DENND4C: variants seen among roughly 807,000 people sequenced by gnomAD.
DENND4C encodes the protein DENN domain-containing protein 4C.
A neutral mutation model predicts 203.0 loss-of-function variants in DENND4C; 108 were observed. The ratio of observed to expected loss-of-function variants is 0.53; its 90% CI spans 0.46 to 0.62. The LOEUF is 0.62. DENND4C is among the 20% of genes least tolerant of loss of function. DENND4C has a pLI of 0.00. For synonymous variants in DENND4C, 871 were observed against 792.4 expected (o/e 1.10, Z -1.67); for missense variants, 2,481 against 2,301.2 (o/e 1.08, Z -1.60).
intron 2 of DENND4C, among the ~76,000 whole-genome samples, chr9:19,277,939 G>A (rs1448962954): frequency 2.6e-5 from 4 of 151,708 alleles, no homozygotes. Flanking sequence ...TGTTCTCTTA[G>A]TGTCATGTAT....
At chr9:19,232,677 A>T (rs1488553842) in intron 1 of DENND4C, among the ~76,000 whole-genome samples, 1 of 152,204 alleles carries the variant, frequency 6.6e-6, no homozygotes, top group African/African-American at 2.4e-5. Flanking sequence ...TGTGGAGACT[A>T]TTCTTAAAAC....
At chr9:19,333,769 T>C (rs561692907) in intron 17 of DENND4C, among the ~76,000 whole-genome samples, 3 of 152,254 alleles carry the variant, frequency 2.0e-5, no homozygotes, top group African/African-American at 7.2e-5. Context: ...GAGGCACTTA[T>C]TTAGCTTTTT....
chr9:19,290,418 G>A (rs753596689), intron 4 of DENND4C, among the ~76,000 whole-genome samples: 15 of 152,198 alleles, frequency 9.9e-5, no homozygotes, highest in Admixed American at 3.3e-4. Flanking sequence ...GTGTTGGCAT[G>A]TGTAGAAGAA....
chr9:19,301,053 C>T lies in DENND4C; in HGVS notation c.1311+722C>T, dbSNP rs1416023913. Among the ~76,000 whole-genome samples, 4 of 152,040 alleles carry T rather than the reference C, an allele frequency of 2.6e-5. No individual in the cohort carries two copies. The East Asian group carries it at 7.7e-4, about 29-fold the overall frequency. ...GTTAGCCGGGTGTGGTGGCACATGC[C>T]TATAATCCCAGCTACTCAGGAGGCT... On this transcript the variant is annotated intron_variant, in intron 9 of 32. Coordinates refer to ENST00000434457, the MANE Select transcript of DENND4C (RefSeq NM_001330640.2).
intron 1 of DENND4C, 28 bp from the exon 2 acceptor site, chr9:19,276,130 A>G (rs1449622148): frequency 1.8e-6 from 2 of 1,128,514 alleles, no homozygotes; most frequent in Non-Finnish European, 2.2e-6. Flanking sequence ...ATTTTATTTT[A>G]TTGGTATCTT....
intron 1 of DENND4C, among the ~76,000 whole-genome samples, chr9:19,257,179 A>G (rs1828193449): frequency 6.6e-6 from 1 of 151,804 alleles, no homozygotes; most frequent in Non-Finnish European, 1.5e-5. Flanking sequence ...AAACGGCTAT[A>G]AAAAAATATT....
chr9:19,305,343 T>C lies in DENND4C; in HGVS notation c.1312-9T>C, dbSNP rs1839448608. 1.3e-6 allele frequency: 2 copies of C among 1,575,438 alleles called. No homozygotes were observed. The highest frequency in any genetic ancestry group is 1.7e-6 in the Non-Finnish European group (2 of 1,162,030). On this transcript the variant is annotated splice_polypyrimidine_tract_variant and intron_variant, in intron 9 of 32. Coordinates refer to ENST00000434457, the MANE Select transcript of DENND4C (RefSeq NM_001330640.2). ...AAATTTGGTTAATTTTTTAAAACTT[T>C]TTCCCCAGATGATCTTTCCATTTCA...
At chr9:19,295,973 C>A (rs1837384003) in intron 5 of DENND4C, 35 bp from the exon 6 acceptor site, 3 of 1,497,232 alleles carry the variant, frequency 2.0e-6, no homozygotes, top group East Asian at 2.3e-5. Context: ...TTCAAACAAA[C>A]TCAAATCTTA....
At chr9:19,342,157 G>T (rs1001203329) in intron 21 of DENND4C, among the ~76,000 whole-genome samples, 2 of 150,774 alleles carry the variant, frequency 1.3e-5, no homozygotes, top group Non-Finnish European at 3.0e-5. Context: ...AGTCTATGTG[G>T]TTTTTCCCGG....
At chr9:19,291,919 T>C (rs1255012844) in intron 5 of DENND4C, among the ~76,000 whole-genome samples, 1 of 152,090 alleles carries the variant, frequency 6.6e-6, no homozygotes, top group Non-Finnish European at 1.5e-5. Flanking sequence ...GAGCTAATGG[T>C]TGAGAGTTTT....
At chr9:19,348,574 T>G (rs1305311292) in intron 23 of DENND4C, among the ~76,000 whole-genome samples, 2 of 152,170 alleles carry the variant, frequency 1.3e-5, no homozygotes, top group Non-Finnish European at 2.9e-5. Context: ...GTAAAAGGTC[T>G]AAATTGGAAT....
At chr9:19,292,031 C>CTTT (rs111512637) in intron 5 of DENND4C, among the ~76,000 whole-genome samples, 10 of 148,718 alleles carry the variant, frequency 6.7e-5, no homozygotes, top group African/African-American at 2.5e-4. Context: ...AATCCCACCT[C>CTTT]TTTTTTTTTT....
intron 1 of DENND4C, among the ~76,000 whole-genome samples, chr9:19,256,793 G>A (rs939303511): frequency 1.4e-4 from 22 of 152,008 alleles, no homozygotes; most frequent in African/African-American, 4.3e-4. Context: ...AAACAAGGCC[G>A]GGTGCAGTGG....
chr9:19,305,326 T>C (rs1343652143), intron 9 of DENND4C, 26 bp from the exon 10 acceptor site: 1 of 1,571,182 alleles, frequency 6.4e-7, no homozygotes, highest in Non-Finnish European at 8.6e-7. Context: ...TAAAATTTGG[T>C]TAATTTTTTA....
chr9:19,294,713 G>T (rs1837073205), intron 5 of DENND4C, among the ~76,000 whole-genome samples: 1 of 152,034 alleles, frequency 6.6e-6, no homozygotes, highest in African/African-American at 2.4e-5. Context: ...TCCTTAACAA[G>T]GAATGAAATT....
At chr9:19,319,363 C>T (rs1436767665) in intron 12 of DENND4C, among the ~76,000 whole-genome samples, 1 of 133,064 alleles carries the variant, frequency 7.5e-6, no homozygotes, top group African/African-American at 3.0e-5. Flanking sequence ...TATATATACA[C>T]ACATATATAT....
chr9:19,342,922 C>T (rs763797473), intron 22 of DENND4C, 143 bp downstream of exon 22: 22 of 620,674 alleles, frequency 3.5e-5, no homozygotes, highest in Non-Finnish European at 5.1e-5. Flanking sequence ...TCTAAATCGG[C>T]TAAAGAAATT....
chr9:19,288,972 T>A (rs1465276643), intron 4 of DENND4C, among the ~76,000 whole-genome samples: 1 of 152,226 alleles, frequency 6.6e-6, no homozygotes, highest in African/African-American at 2.4e-5. Flanking sequence ...AGTTGCTGAC[T>A]CTCTGACCTT....
At chr9:19,322,064 G>A (rs1756340392) in intron 12 of DENND4C, among the ~76,000 whole-genome samples, 1 of 152,160 alleles carries the variant, frequency 6.6e-6, no homozygotes, top group Non-Finnish European at 1.5e-5. Context: ...TCATTGCACT[G>A]AAGTATGCTC....
Sources: allele counts gnomAD v4.1 joint callset (sites outside exome capture counted in the v4.1 genomes callset), GRCh38; gene constraint gnomAD v4.1.1; transcripts MANE v1.5; gene names NCBI Gene and HGNC (gene_info 2026-07-23, HGNC 2026-07-21).